ARHGAP6: variants seen among roughly 807,000 people sequenced by gnomAD.
The protein encoded by ARHGAP6 is rho GTPase-activating protein 6.
ARHGAP6 carries 16 observed loss-of-function variants against 55.7 expected under a neutral mutation model. The observed-to-expected ratio is 0.29, with a 90% confidence interval of 0.19 to 0.44. The LOEUF is 0.44. Among genes scored for constraint, ARHGAP6 ranks in the 20% least tolerant of loss-of-function variants. The pLI is 1.00. For missense variants in ARHGAP6, 698 were observed against 808.9 expected, an observed-to-expected ratio of 0.86 and a Z score of 1.66; for synonymous variants, 382 against 360.9, an observed-to-expected ratio of 1.06 and a Z score of -0.66.
At chrX:11,200,834 TA>T (rs1224625932) in intron 2 of ARHGAP6, among the ~76,000 whole-genome samples, 4 of 112,420 alleles carry the variant, frequency 3.6e-5, no homozygotes, top group African/African-American at 1.3e-4. Context: ...GAATGAGGCT[TA>T]TAAAACAGTA....
intron 1 of ARHGAP6, among the ~76,000 whole-genome samples, chrX:11,464,974 C>T (rs761622607): frequency 9.8e-5 from 11 of 111,859 alleles, no homozygotes; most frequent in East Asian, 2.8e-4. Context: ...TCATCCCTCA[C>T]GGTTCATCTG....
chrX:11,309,174 T>C (rs2048268903), intron 1 of ARHGAP6, among the ~76,000 whole-genome samples: 1 of 112,101 alleles, frequency 8.9e-6, no homozygotes, highest in Non-Finnish European at 1.9e-5. Flanking sequence ...CTTCCTGGCT[T>C]GGGTCCTACC....
Position 11,457,040 on chromosome X carries a change from C to T in ARHGAP6, c.589-202333G>A, listed in dbSNP as rs139307720. On this transcript the variant is annotated intron_variant, in intron 1 of 12. Transcript: ENST00000337414. ...CCTGTTAATACTGCTATCAATAGAGCGAAGCATAGCATTTGGTAGTCACAG... is the reference window on the plus strand; with the variant it reads ...CCTGTTAATACTGCTATCAATAGAGTGAAGCATAGCATTTGGTAGTCACAG... Among the ~76,000 whole-genome samples, 40 of 111,331 alleles carry T rather than the reference C, an allele frequency of 3.6e-4. No individual in the cohort carries two copies. The East Asian group carries it at 4.8e-3, about 13-fold the overall frequency.
At chrX:11,321,444 A>T (rs1209342599) in intron 1 of ARHGAP6, among the ~76,000 whole-genome samples, 1 of 112,104 alleles carries the variant, frequency 8.9e-6, no homozygotes, top group African/African-American at 3.2e-5. Flanking sequence ...TATTTTGAAT[A>T]TAAAAATAGT....
intron 1 of ARHGAP6, among the ~76,000 whole-genome samples, chrX:11,331,500 A>C (rs368574158): frequency 1.6e-3 from 180 of 112,059 alleles, no homozygotes; most frequent in African/African-American, 5.3e-3. Context: ...GCCTCATGCC[A>C]GTATATTTTC....
chrX:11,498,745 T>TA (rs1018155024), intron 1 of ARHGAP6, among the ~76,000 whole-genome samples: 8 of 110,641 alleles, frequency 7.2e-5, no homozygotes, highest in South Asian at 3.8e-4. Context: ...AAAGGGAATT[T>TA]AAAAAAAAAT....
intron 1 of ARHGAP6, among the ~76,000 whole-genome samples, chrX:11,649,171 A>T (rs2052559977): frequency 8.9e-6 from 1 of 111,915 alleles, no homozygotes; most frequent in Non-Finnish European, 1.9e-5. Flanking sequence ...CATTCAGTGA[A>T]GAAGCCCAAA....
At chrX:11,241,722 G>C (rs113761845) in intron 2 of ARHGAP6, among the ~76,000 whole-genome samples, 2 of 111,498 alleles carry the variant, frequency 1.8e-5, no homozygotes, top group Non-Finnish European at 3.8e-5. Flanking sequence ...GATAGGAACA[G>C]GGTGATTGGT....
chrX:11,546,110 T>G (rs189761607), intron 1 of ARHGAP6, among the ~76,000 whole-genome samples: 94 of 111,071 alleles, frequency 8.5e-4, no homozygotes, highest in African/African-American at 2.7e-3. Context: ...TTCATTGTTT[T>G]CTGTGAACTC....
intron 1 of ARHGAP6, among the ~76,000 whole-genome samples, chrX:11,372,782 A>G (rs1475891004): frequency 1.9e-5 from 2 of 106,186 alleles, no homozygotes; most frequent in African/African-American, 3.4e-5. Context: ...AAAAAAAAAA[A>G]AAAAAAAAAA....
intron 1 of ARHGAP6, among the ~76,000 whole-genome samples, chrX:11,286,043 T>C (rs945680383): frequency 8.9e-5 from 10 of 112,049 alleles, no homozygotes; most frequent in Admixed American, 8.5e-4. Flanking sequence ...TTGAGAACCA[T>C]TAATTCTTAC....
chrX:11,515,771 A>G (rs1490125287), intron 1 of ARHGAP6, among the ~76,000 whole-genome samples: 1 of 112,562 alleles, frequency 8.9e-6, no homozygotes, highest in Non-Finnish European at 1.9e-5. Flanking sequence ...GAAACAGTAA[A>G]CAATTTGCAC....
chrX:11,227,933 G>A (rs761456564), intron 2 of ARHGAP6, among the ~76,000 whole-genome samples: 14 of 105,673 alleles, frequency 1.3e-4, no homozygotes, highest in Non-Finnish European at 2.7e-4. Flanking sequence ...TTTTTTATTC[G>A]TGCATTTGCT....
chrX:11,473,403 G>A (rs192192658), intron 1 of ARHGAP6, among the ~76,000 whole-genome samples: 15 of 111,840 alleles, frequency 1.3e-4, no homozygotes, highest in Admixed American at 2.8e-4. Context: ...TGGGATCTTC[G>A]CAGATGTAAT....
chrX:11,170,972 T>G (rs902686826), intron 8 of ARHGAP6, among the ~76,000 whole-genome samples: 1 of 111,032 alleles, frequency 9.0e-6, no homozygotes, highest in Non-Finnish European at 1.9e-5. Flanking sequence ...ATGGACTCTC[T>G]GATGGTTCTG....
At chrX:11,210,373 T>C (rs1487911211) in intron 2 of ARHGAP6, among the ~76,000 whole-genome samples, 2 of 112,664 alleles carry the variant, frequency 1.8e-5, no homozygotes, top group African/African-American at 6.4e-5. Context: ...TTGTCAGTAT[T>C]GAGGTCCAAA....
intron 1 of ARHGAP6, among the ~76,000 whole-genome samples, chrX:11,364,477 C>T (rs2049050310): frequency 9.0e-6 from 1 of 111,155 alleles, no homozygotes; most frequent in Non-Finnish European, 1.9e-5. Context: ...ATTTCCCCTT[C>T]CCTCCTTCTT....
chrX:11,305,942 T>C (rs1319082408), intron 1 of ARHGAP6, among the ~76,000 whole-genome samples: 6 of 112,105 alleles, frequency 5.4e-5, no homozygotes, highest in Non-Finnish European at 1.1e-4. Context: ...TGAGAATATC[T>C]GACAGACCCA....
At chrX:11,257,403 C>T (rs1379816101) in intron 1 of ARHGAP6, among the ~76,000 whole-genome samples, 1 of 112,133 alleles carries the variant, frequency 8.9e-6, no homozygotes, top group African/African-American at 3.2e-5. Flanking sequence ...TACAACTACT[C>T]AACTCTGGCT....
Sources: gnomAD v4.1 joint callset for allele counts (sites outside exome capture counted in the v4.1 genomes callset) on GRCh38, gnomAD v4.1.1 for gene constraint, MANE v1.5 for transcripts, NCBI Gene and HGNC (gene_info 2026-07-23, HGNC 2026-07-21) for gene names.